MOK: variants seen among roughly 807,000 people sequenced by gnomAD.
MOK encodes the protein MAPK/MAK/MRK overlapping kinase.
In MOK, 59 loss-of-function variants were observed where a neutral mutation model predicts 54.2. The ratio of observed to expected loss-of-function variants is 1.09; its 90% CI spans 0.88 to 1.35. MOK has a LOEUF of 1.35. Ranked by LOEUF, MOK falls within the 40% of genes most tolerant of loss-of-function variation. The probability of loss-of-function intolerance (pLI) is 0.00; values close to 1 mark genes in which losing one functional copy is unlikely to be tolerated. For missense variants in MOK, 517 were observed against 526.2 expected (o/e 0.98, Z 0.17); for synonymous variants, 210 against 202.7 (o/e 1.04, Z -0.31).
intron 1 of MOK, among the ~76,000 whole-genome samples, chr14:102,295,095 C>A (rs1036286218): frequency 6.6e-6 from 1 of 152,138 alleles, no homozygotes; most frequent in African/African-American, 2.4e-5. Flanking sequence ...AAACAAGAAA[C>A]ACTGAAATGC....
In MOK at chr14:102,265,810, C is replaced by G; in HGVS notation, c.212+13G>C. On this transcript the variant is annotated intron_variant, in intron 3 of 11. Transcript: ENST00000361847. ...CAAATTTAGATAACTTTTCAAGCTC[C>G]AAATATACTTACAAAACCACTTCAT... is the stretch of plus-strand genomic sequence containing the variant. 6.2e-7 allele frequency: 1 copy of G among 1,604,120 alleles called. No individual in the cohort carries two copies. The highest frequency in any genetic ancestry group is 8.5e-7 in the Non-Finnish European group (1 of 1,171,580).
Position 102,229,604 on chromosome 14 carries a change from A to G in MOK, c.1035T>C (p.Tyr345=). The change falls in exon 11 of 12, where the codon TAT becomes TAC. Residue 345 remains tyrosine (Y), a synonymous_variant. Coordinates refer to ENST00000361847, the MANE Select transcript of MOK (RefSeq NM_014226.3). ...EDRPKRRGPA[Y]VMELPKLKLS... The stretch of plus-strand genomic sequence containing the variant: ...GCTTTAGTTTGGGCAGTTCCATGAC[A>G]TAGGCCGGTCCTCGTCTCTTGGGAC... 1 of 1,614,202 alleles carries G rather than the reference A, an allele frequency of 6.2e-7. No homozygotes were observed. The highest frequency in any genetic ancestry group is 8.5e-7 in the Non-Finnish European group (1 of 1,180,030).
intron 4 of MOK, among the ~76,000 whole-genome samples, chr14:102,261,418 AATATATATATATATATATATATAT>A (rs1197835093): frequency 0.011 from 472 of 42,834 alleles, 11 homozygotes; most frequent in Middle Eastern, 0.036. Flanking sequence ...AAAAAAAAAA[AATATATATATATATATATATATAT>A]ATATATATAT....
At chr14:102,229,903 GC>G in intron 10 of MOK, 1 of 499,226 alleles carries the variant, frequency 2.0e-6, no homozygotes, top group Non-Finnish European at 3.5e-6. Flanking sequence ...AGCAGTGCGG[GC>G]GGCAAAGGGC....
rs189772551 is a variant in MOK, at chr14:102,277,825, T to C, written c.122+5653A>G. ...ACACGAGAATATCCATTTGCCAAAA[T>C]TGTACAGATAAACAATGTGCACTTC... On this transcript the variant is annotated intron_variant, in intron 2 of 11. Transcript: ENST00000361847. 1.7e-3 allele frequency among the ~76,000 whole-genome samples: 260 copies of C among 152,278 alleles called. 3 individuals are homozygous for C. The highest frequency in any genetic ancestry group is 6.5e-4 in the Non-Finnish European group (44 of 68,030).
rs1597620067 is a variant in MOK, at chr14:102,295,179, T to C, written c.7+9783A>G. On this transcript the variant is annotated intron_variant, in intron 1 of 11. Coordinates refer to ENST00000361847, the MANE Select transcript of MOK (RefSeq NM_014226.3). ...TAAATGAACGTCATGCCCCACATTA[T>C]TGGGAATAGAGTAAACAAGCACCAA... Among the ~76,000 whole-genome samples, 2 of 152,042 alleles carry C rather than the reference T, an allele frequency of 1.3e-5. 1 individual carries two copies. Among genetic ancestry groups the C allele is most frequent in the East Asian group, 3.9e-4 (2 of 5,184 alleles).
rs1245194372 is a variant in MOK, at chr14:102,235,660, C to G, written c.591-1871G>C. ...AATCTCCCAAAAGGCCAATGAAAAC[C>G]CTGCCCAATTCCTTTCTCGCCTTAC... On this transcript the variant is annotated intron_variant, in intron 7 of 11. Transcript: ENST00000361847. This position sits in a 1 kb window ranked among gnomAD's most constrained non-coding sequence, Gnocchi z 4.4. 1 of 152,190 alleles carries G rather than the reference C, an allele frequency of 6.6e-6. No individual in the cohort carries two copies. Among genetic ancestry groups the G allele is most frequent in the Non-Finnish European group, 1.5e-5 (1 of 68,030 alleles). The allele number at this position is 152,190 out of a possible 1,614,324, so 9.4% of individuals were successfully genotyped here. A position where few individuals can be genotyped will look rare whatever the true frequency, so the allele number is the denominator to read the frequency against.
chr14:102,224,267 C>A (rs1202588214), downstream of MOK, among the ~76,000 whole-genome samples: 1 of 151,944 alleles, frequency 6.6e-6, no homozygotes, highest in Non-Finnish European at 1.5e-5. Context: ...GTCTCGATCT[C>A]CTGACCTCGT....
At chr14:102,283,403 C>T (rs995957934) in intron 2 of MOK, 75 bp downstream of exon 2, 2 of 865,276 alleles carry the variant, frequency 2.3e-6, no homozygotes, top group Non-Finnish European at 1.8e-6. Flanking sequence ...ATAAAGCTCC[C>T]CCCTAATATT....
At chr14:102,254,055 G>A (rs1043282977) in intron 4 of MOK, among the ~76,000 whole-genome samples, 2 of 151,188 alleles carry the variant, frequency 1.3e-5, no homozygotes, top group Non-Finnish European at 2.9e-5. Flanking sequence ...TACGATCTCC[G>A]CCCACTGCAA....
At chr14:102,287,199 T>C (rs2070221929) in intron 1 of MOK, among the ~76,000 whole-genome samples, 2 of 152,330 alleles carry the variant, frequency 1.3e-5, no homozygotes, top group East Asian at 1.9e-4. Flanking sequence ...GTGGGCGTGG[T>C]GGCTCACGCC....
intron 2 of MOK, among the ~76,000 whole-genome samples, chr14:102,279,200 A>G (rs1394029743): frequency 6.6e-6 from 1 of 150,678 alleles, no homozygotes; most frequent in African/African-American, 2.5e-5. Flanking sequence ...ACAAATACCA[A>G]GACTAGGGAT....
At chr14:102,293,701 CA>C (rs10598736) in intron 1 of MOK, among the ~76,000 whole-genome samples, 638 of 54,600 alleles carry the variant, frequency 0.012, 3 homozygotes, top group African/African-American at 0.022. Flanking sequence ...AACTCCATCA[CA>C]AAAAAAAAAA....
At chr14:102,271,955 T>C (rs1304368259) in intron 2 of MOK, among the ~76,000 whole-genome samples, 1 of 152,164 alleles carries the variant, frequency 6.6e-6, no homozygotes, top group Non-Finnish European at 1.5e-5. Context: ...CACTGCTTAC[T>C]GCAGCCTTGA....
At chr14:102,287,901 C>T (rs1460115826) in intron 1 of MOK, among the ~76,000 whole-genome samples, 8 of 148,420 alleles carry the variant, frequency 5.4e-5, no homozygotes, top group African/African-American at 2.0e-4. Flanking sequence ...GGCGCAATCT[C>T]GGCTCACTGC....
rs1006992969 is a variant in MOK, at chr14:102,238,762, A to G, written c.591-4973T>C. 2.0e-5 allele frequency among the ~76,000 whole-genome samples: 3 copies of G among 152,076 alleles called. No individual in the cohort carries two copies. Among genetic ancestry groups the G allele is most frequent in the African/African-American group, 4.8e-5 (2 of 41,406 alleles). ...CCTTCCATATTGGTGCATGTCCCCT[A>G]TATCTCCTCCTCCGCCCATATTTCT... On this transcript the variant is annotated intron_variant, in intron 7 of 11. Coordinates refer to ENST00000361847, the MANE Select transcript of MOK (RefSeq NM_014226.3). The surrounding 1 kb of genome is among the most constrained non-coding windows in gnomAD (Gnocchi z 4.8).
At chr14:102,273,349 C>A (rs2068560393) in intron 2 of MOK, among the ~76,000 whole-genome samples, 1 of 150,634 alleles carries the variant, frequency 6.6e-6, no homozygotes, top group Admixed American at 6.6e-5. Context: ...AAATTAATTG[C>A]ATTTCTACAT....
rs2064387160 is a variant in MOK, at chr14:102,229,039, A to C, written c.*250T>G. On this transcript the variant is annotated 3_prime_UTR_variant, in exon 12 of 12. Coordinates refer to ENST00000361847, the MANE Select transcript of MOK (RefSeq NM_014226.3). ...AAGTTACAAAGTATTTCCTGCCCCA[A>C]ATTCTTAACGAAAATGAAAGAAAAC... 1 of 502,860 alleles carries C rather than the reference A, an allele frequency of 2.0e-6. No individual in the cohort carries two copies. The highest frequency in any genetic ancestry group is 2.0e-5 in the African/African-American group (1 of 50,540). 31.1% of individuals were successfully genotyped at this position (502,860 alleles called of 1,614,324 possible).
chr14:102,231,890 CTT>C lies in MOK; in HGVS notation c.867-71_867-70del. ...CGCAGAGCACACGGCCTACTGGCTT[CTT>C]TGTCTCCAATTTGTCTACTGTGTGA... On this transcript the variant is annotated intron_variant, in intron 9 of 11. Coordinates refer to ENST00000361847, the MANE Select transcript of MOK (RefSeq NM_014226.3). The surrounding 1 kb of genome is among the most constrained non-coding windows in gnomAD (Gnocchi z 4.4). The C allele has an allele frequency of 7.7e-7, 1 of 1,301,564 alleles. No individual in the cohort carries two copies. The allele number at this position is 1,301,564 out of a possible 1,614,324, so 80.6% of individuals were successfully genotyped here. A position where few individuals can be genotyped will look rare whatever the true frequency, so the allele number is the denominator to read the frequency against.
Sources: gnomAD v4.1 joint callset for allele counts (sites outside exome capture counted in the v4.1 genomes callset) on GRCh38, gnomAD v4.1.1 for gene constraint, Gnocchi (gnomAD v3.1) non-coding constraint, MANE v1.5 for transcripts, NCBI Gene and HGNC (gene_info 2026-07-23, HGNC 2026-07-21) for gene names.